FAM9B: variants seen among roughly 807,000 people sequenced by gnomAD.
FAM9B encodes protein FAM9B.
FAM9B carries 18 observed loss-of-function variants against 16.6 expected under a neutral mutation model. That is an observed-to-expected ratio of 1.09 (90% confidence interval 0.75 to 1.61). The LOEUF (loss-of-function observed/expected upper bound fraction) is 1.61. FAM9B is among the 40% of genes most tolerant of loss of function. The pLI is 0.00. For synonymous variants in FAM9B, 43 were observed against 42.6 expected (o/e 1.01, Z -0.03); for missense variants, 155 against 136.0 (o/e 1.14, Z -0.70).
At chrX:9,033,117 G>A in intron 1 of FAM9B, 42 bp from the exon 2 acceptor site, 2 of 1,187,898 alleles carry the variant, frequency 1.7e-6, no homozygotes, top group African/African-American at 1.7e-5. Context: ...AAGGAAACCT[G>A]GCATCGGAAA....
At chrX:9,029,895 C>T (rs112789115) in intron 5 of FAM9B, among the ~76,000 whole-genome samples, 17 of 112,280 alleles carry the variant, frequency 1.5e-4, no homozygotes, top group African/African-American at 5.5e-4. Flanking sequence ...TTATTTACAA[C>T]ATAAGGTTAT....
At position 9,024,291 on chromosome X, in the gene FAM9B, G is replaced by A. The variant is rs1001585686; in HGVS notation, c.*1118C>T. On this transcript the variant is annotated 3_prime_UTR_variant, in exon 9 of 9. Transcript: ENST00000327220. The stretch of plus-strand genomic sequence containing the variant: ...CCACATAATCCACGAATATTAAACT[G>A]GATAAACAAAGCACTCTACAAAATT... 9.0e-6 allele frequency: 1 copy of A among 111,123 alleles called. No homozygotes were observed. The highest frequency in any genetic ancestry group is 3.3e-5 in the African/African-American group (1 of 30,580). The allele number at this position is 111,123 out of a possible 1,213,427, so 9.2% of individuals were successfully genotyped here.
At chrX:9,033,346 C>T in intron 1 of FAM9B, 1 of 1,028,162 alleles carries the variant, frequency 9.7e-7, no homozygotes, top group Admixed American at 4.1e-5. Context: ...AGAACTCAGC[C>T]CTACCTCTGA....
At chrX:9,030,234 A>T in intron 5 of FAM9B, 27 bp downstream of exon 5, 1 of 1,173,689 alleles carries the variant, frequency 8.5e-7, no homozygotes. Flanking sequence ...TATAAATATC[A>T]TTATGCAAAA....
intron 7 of FAM9B, among the ~76,000 whole-genome samples, chrX:9,026,181 A>G (rs778061218): frequency 9.8e-5 from 11 of 112,506 alleles, no homozygotes; most frequent in African/African-American, 3.5e-4. Flanking sequence ...CAAGTAATAC[A>G]AAACTTGTGT....
intron 2 of FAM9B, 86 bp from the exon 3 acceptor site, chrX:9,032,547 CT>C (rs1409981544): frequency 4.9e-5 from 34 of 692,184 alleles, no homozygotes; most frequent in Admixed American, 8.6e-5. Context: ...TAGTTGTAGA[CT>C]TTTTTGGGGG....
chrX:9,027,208 A>T (rs1390214582), intron 7 of FAM9B, among the ~76,000 whole-genome samples: 1 of 112,095 alleles, frequency 8.9e-6, no homozygotes, highest in Non-Finnish European at 1.9e-5. Context: ...TATGATTACA[A>T]ATTGTCATGT....
Position 9,029,402 on chromosome X carries a change from T to G in FAM9B, c.298A>C (p.Ile100Leu). ...ACATTTAGCAACTTCAGAGAATGTA[T>G]ATAATCACGTTTCTGCCTGTAACAC... ...KQLKRQKRDY[I>L]HSLKLLNVLE... Residue 100 changes from isoleucine to leucine, a missense_variant, in exon 6 of 9, where the codon ATA (isoleucine) becomes CTA (leucine). Transcript: ENST00000327220. 8.4e-7 allele frequency: 1 copy of G among 1,195,415 alleles called. No homozygotes were observed. Among genetic ancestry groups the G allele is most frequent in the Non-Finnish European group, 1.1e-6 (1 of 880,841 alleles).
chrX:9,033,337 G>A lies in FAM9B; in HGVS notation c.-89-262C>T, dbSNP rs1310285188. ...GGATCCTCGCCGCCCTTTTGGGACAGAACTCAGCCCTACCTCTGAGTCACC... is the reference window on the plus strand; with the variant it reads ...GGATCCTCGCCGCCCTTTTGGGACAAAACTCAGCCCTACCTCTGAGTCACC... On this transcript the variant is annotated intron_variant, in intron 1 of 8. Transcript: ENST00000327220. 4.8e-6 allele frequency: 5 copies of A among 1,037,734 alleles called. No individual in the cohort carries two copies. The African/African-American group carries it at 5.8e-5, about 12-fold the overall frequency. The allele number at this position is 1,037,734 out of a possible 1,213,427, so 85.5% of individuals were successfully genotyped here. A position where few individuals can be genotyped will look rare whatever the true frequency, so the allele number is the denominator to read the frequency against.
intron 2 of FAM9B, 32 bp downstream of exon 2, chrX:9,032,927 C>T (rs1371925545): frequency 8.3e-7 from 1 of 1,208,160 alleles, no homozygotes; most frequent in Admixed American, 2.2e-5. Context: ...TGGGCGTGCA[C>T]CTTCTTCTGG....
chrX:9,031,927 T>G, intron 4 of FAM9B: 1 of 396,088 alleles, frequency 2.5e-6, no homozygotes, highest in Non-Finnish European at 4.4e-6. Flanking sequence ...TCACCATTAT[T>G]AGAAGCATTC....
At position 9,024,702 on chromosome X, in the gene FAM9B, G is replaced by A. The variant is rs1782162525; in HGVS notation, c.*707C>T. ...TTGTCTTCTTCTTCTTGTTTTCTGA[G>A]AAAGAGTCTTGCTCTGTCGCCCAGG... On this transcript the variant is annotated 3_prime_UTR_variant, in exon 9 of 9. Coordinates refer to ENST00000327220, the MANE Select transcript of FAM9B (RefSeq NM_205849.3). 8.9e-6 allele frequency: 1 copy of A among 112,357 alleles called. No homozygotes were observed. Among genetic ancestry groups the A allele is most frequent in the African/African-American group, 3.2e-5 (1 of 30,972 alleles). 9.3% of individuals were successfully genotyped at this position (112,357 alleles called of 1,213,427 possible). A position where few individuals can be genotyped will look rare whatever the true frequency, so the allele number is the denominator to read the frequency against.
chrX:9,033,061 A>G lies in FAM9B; in HGVS notation c.-75T>C. 8.3e-6 allele frequency: 10 copies of G among 1,210,993 alleles called. No homozygotes were observed. The highest frequency in any genetic ancestry group is 1.1e-5 in the Non-Finnish European group (10 of 894,972). Reference sequence around the variant, plus strand: ...GTGGCTGGTTGTCCTGGGAAGCTAGAGGCGATCCCCGAACCTGGTGAGCGC... The same window carrying G: ...GTGGCTGGTTGTCCTGGGAAGCTAGGGGCGATCCCCGAACCTGGTGAGCGC... On this transcript the variant is annotated 5_prime_UTR_variant, in exon 2 of 9. Transcript: ENST00000327220.
chrX:9,026,645 T>G (rs987183127), intron 7 of FAM9B, among the ~76,000 whole-genome samples: 2 of 110,992 alleles, frequency 1.8e-5, no homozygotes, highest in Admixed American at 9.7e-5. Context: ...GCAGTGGGAA[T>G]TTAAAGAAAG....
rs766249283 is a variant in FAM9B, at chrX:9,030,394, A to C, written c.182-34T>G. 9.8e-5 allele frequency: 106 copies of C among 1,076,167 alleles called. No homozygotes were observed. The South Asian group carries it at 2.2e-3, about 23-fold the overall frequency. 88.7% of individuals were successfully genotyped at this position (1,076,167 alleles called of 1,213,427 possible). ...TCAGTTAGATAGTAAATGAAAATGGATTAAAAGTTAATGTTGAAAAGTAGT... is the reference window on the plus strand; with the variant it reads ...TCAGTTAGATAGTAAATGAAAATGGCTTAAAAGTTAATGTTGAAAAGTAGT... On this transcript the variant is annotated intron_variant, in intron 4 of 8. Coordinates refer to ENST00000327220, the MANE Select transcript of FAM9B (RefSeq NM_205849.3).
At position 9,032,940 on chromosome X, in the gene FAM9B, C is replaced by T. The variant is rs755462433; in HGVS notation, c.28+19G>A. The T allele has an allele frequency of 8.3e-7, 1 of 1,207,254 alleles. No homozygotes were observed. The highest frequency in any genetic ancestry group is 1.8e-5 in the African/African-American group (1 of 57,136). ...CTTGGGCGTGCACCTTCTTCTGGGT[C>T]CCCTTGGGCTGTATTTACCTGCATG... On this transcript the variant is annotated intron_variant, in intron 2 of 8. Transcript: ENST00000327220.
At chrX:9,027,816 A>G in intron 7 of FAM9B, 52 bp downstream of exon 7, 1 of 967,655 alleles carries the variant, frequency 1.0e-6, no homozygotes, top group Non-Finnish European at 1.5e-6. Context: ...ACTGTCTTCT[A>G]TTATGCACGT....
intron 1 of FAM9B, 85 bp from the exon 2 acceptor site, chrX:9,033,160 G>A: frequency 8.6e-7 from 1 of 1,164,524 alleles, no homozygotes; most frequent in Non-Finnish European, 1.1e-6. Flanking sequence ...TTCAAGAAGG[G>A]TGGGGCTGGC....
Position 9,024,327 on chromosome X carries a change from C to G in FAM9B, c.*1082G>C, listed in dbSNP as rs775234153. 1.8e-3 allele frequency: 197 copies of G among 111,616 alleles called. No homozygotes were observed. The highest frequency in any genetic ancestry group is 6.3e-3 in the African/African-American group (193 of 30,762). 9.2% of individuals were successfully genotyped at this position (111,616 alleles called of 1,213,427 possible). A position where few individuals can be genotyped will look rare whatever the true frequency, so the allele number is the denominator to read the frequency against. ...GCACTCTACAAAATTTACCTTGCCA[C>G]AGATGTGAAATAATTGTAAGCATAC... is the stretch of plus-strand genomic sequence containing the variant. On this transcript the variant is annotated 3_prime_UTR_variant, in exon 9 of 9. Coordinates refer to ENST00000327220, the MANE Select transcript of FAM9B (RefSeq NM_205849.3).
Sources: allele counts gnomAD v4.1 joint callset (sites outside exome capture counted in the v4.1 genomes callset), GRCh38; gene constraint gnomAD v4.1.1; transcripts MANE v1.5; gene names NCBI Gene and HGNC (gene_info 2026-07-23, HGNC 2026-07-21).